The following GADL1 variants were observed in gnomAD, a reference collection of about 807,000 sequenced individuals.
GADL1 encodes the protein acidic amino acid decarboxylase GADL1.
GADL1 carries 71 observed loss-of-function variants against 69.5 expected under a neutral mutation model. The ratio of observed to expected loss-of-function variants is 1.02; its 90% confidence interval spans 0.84 to 1.25. The LOEUF (loss-of-function observed/expected upper bound fraction) is 1.25, where lower values mean the gene tolerates loss of function less well. Ranked by LOEUF, GADL1 falls within the 50% of genes most tolerant of loss-of-function variation. The pLI is 0.00. For synonymous variants in GADL1, 254 were observed against 214.4 expected (o/e 1.18, Z -1.62); for missense variants, 737 against 631.8 (o/e 1.17, Z -1.79).
chr3:30,748,342 CAG>C (rs550061826), intron 14 of GADL1, among the ~76,000 whole-genome samples: 7 of 152,148 alleles, frequency 4.6e-5, no homozygotes, highest in Non-Finnish European at 7.4e-5. Flanking sequence ...AAAAACAAAA[CAG>C]AATGACCAGT....
chr3:30,791,395 C>CT (rs1329355267), intron 12 of GADL1, among the ~76,000 whole-genome samples: 3 of 152,100 alleles, frequency 2.0e-5, no homozygotes, highest in Non-Finnish European at 4.4e-5. Context: ...AGCTAAATAA[C>CT]TTTGTGAGTC....
intron 14 of GADL1, among the ~76,000 whole-genome samples, chr3:30,774,811 G>T (rs1490742053): frequency 1.3e-5 from 2 of 151,634 alleles, no homozygotes; most frequent in African/African-American, 4.8e-5. Flanking sequence ...CTCTGACCGG[G>T]TTGAGAACTG....
intron 14 of GADL1, among the ~76,000 whole-genome samples, chr3:30,753,607 C>G (rs1027008013): frequency 6.6e-6 from 1 of 151,752 alleles, no homozygotes; most frequent in East Asian, 1.9e-4. Context: ...TTAAAGATAA[C>G]TTGTTTTCTT....
At chr3:30,740,734 T>C (rs199627898) in intron 14 of GADL1, among the ~76,000 whole-genome samples, 39 of 151,828 alleles carry the variant, frequency 2.6e-4, no homozygotes, top group African/African-American at 8.7e-4. Flanking sequence ...TGCCTATTTA[T>C]GTTCTTTGTA....
chr3:30,763,480 C>T (rs1045748590), intron 14 of GADL1, among the ~76,000 whole-genome samples: 14 of 124,288 alleles, frequency 1.1e-4, no homozygotes, highest in African/African-American at 4.3e-4. Flanking sequence ...CCAGCCTGGG[C>T]GACAGAGCAA....
At chr3:30,866,231 G>T (rs147224219) in intron 1 of GADL1, among the ~76,000 whole-genome samples, 1 of 152,100 alleles carries the variant, frequency 6.6e-6, no homozygotes, top group Non-Finnish European at 1.5e-5. Flanking sequence ...GCTGAGGCAG[G>T]CAGATCACTT....
At chr3:30,792,260 T>C (rs1247916004) in intron 12 of GADL1, among the ~76,000 whole-genome samples, 1 of 152,196 alleles carries the variant, frequency 6.6e-6, no homozygotes, top group South Asian at 2.1e-4. Context: ...ATCAATTAGA[T>C]TGATTTTTGT....
At chr3:30,784,231 A>G (rs990551268) in intron 13 of GADL1, among the ~76,000 whole-genome samples, 1 of 152,050 alleles carries the variant, frequency 6.6e-6, no homozygotes, top group Admixed American at 6.5e-5. Flanking sequence ...AAACTCCCCA[A>G]CTGTTACAAG....
In GADL1 at chr3:30,800,590, CTA is replaced by C. The variant is rs1237199889; in HGVS notation, c.1250+297_1250+298del. On this transcript the variant is annotated intron_variant, in intron 12 of 14. Coordinates refer to ENST00000282538, the MANE Select transcript of GADL1 (RefSeq NM_207359.3). ...AAGCCCTCCTGATTGATCTTGGACT[CTA>C]TACCTCACCTTGCCAAAAATGAGGG... is the stretch of plus-strand genomic sequence containing the variant. The C allele has an allele frequency of 7.7e-6, 3 of 390,554 alleles. No individual in the cohort carries two copies. In the South Asian group the frequency reaches 7.7e-5, roughly 10 times the overall value. 24.2% of individuals were successfully genotyped at this position (390,554 alleles called of 1,614,324 possible).
At position 30,852,726 on chromosome 3, in the gene GADL1, T is replaced by TA. The variant is rs1334104876; in HGVS notation, c.429-1786dup. On this transcript the variant is annotated intron_variant, in intron 4 of 14. Transcript: ENST00000282538. ...TCAGCCTGGAGGGTGGAGGAAAAGA[T>TA]AAGATAGAACACACTCATGGGTTGG... Among the ~76,000 whole-genome samples the TA allele has an allele frequency of 2.0e-5, 3 of 152,032 alleles. No individual in the cohort carries two copies. In the East Asian group the frequency reaches 5.8e-4, roughly 29 times the overall value.
chr3:30,742,666 A>G (rs1324798598), intron 14 of GADL1, among the ~76,000 whole-genome samples: 1 of 152,158 alleles, frequency 6.6e-6, no homozygotes. Context: ...TGGTCAAGCC[A>G]GACGTTCCTA....
intron 6 of GADL1, among the ~76,000 whole-genome samples, chr3:30,849,553 TG>T (rs1343463269): frequency 6.6e-6 from 1 of 152,044 alleles, no homozygotes; most frequent in Non-Finnish European, 1.5e-5. Flanking sequence ...TGTGTGTGTG[TG>T]TGTGTTTTCA....
intron 1 of GADL1, among the ~76,000 whole-genome samples, chr3:30,874,442 G>A (rs1698548441): frequency 6.6e-6 from 1 of 151,942 alleles, no homozygotes; most frequent in South Asian, 2.1e-4. Flanking sequence ...GATGGGTTTG[G>A]AACCATCTAG....
intron 1 of GADL1, among the ~76,000 whole-genome samples, chr3:30,885,547 G>A (rs778504099): frequency 2.0e-5 from 3 of 151,950 alleles, no homozygotes; most frequent in Non-Finnish European, 4.4e-5. Context: ...ATACAGACAA[G>A]CGAATGAATC....
intron 12 of GADL1, among the ~76,000 whole-genome samples, chr3:30,791,920 T>G (rs1696929383): frequency 6.6e-6 from 1 of 152,182 alleles, no homozygotes; most frequent in African/African-American, 2.4e-5. Flanking sequence ...CCATGTAAGA[T>G]GTGCCTTTGC....
intron 14 of GADL1, among the ~76,000 whole-genome samples, chr3:30,760,580 A>T (rs757288923): frequency 6.6e-6 from 1 of 152,186 alleles, no homozygotes; most frequent in Non-Finnish European, 1.5e-5. Context: ...ATCTATACAC[A>T]AAATCTGTTA....
At chr3:30,764,679 T>C (rs886618089) in intron 14 of GADL1, among the ~76,000 whole-genome samples, 2 of 152,204 alleles carry the variant, frequency 1.3e-5, no homozygotes, top group African/African-American at 4.8e-5. Flanking sequence ...TCTCTGATCA[T>C]CTTACACTTA....
At chr3:30,745,872 C>T (rs1695694984) in intron 14 of GADL1, among the ~76,000 whole-genome samples, 1 of 152,132 alleles carries the variant, frequency 6.6e-6, no homozygotes, top group Admixed American at 6.5e-5. Context: ...TGGAGTTCAT[C>T]CTGTTCCAAA....
chr3:30,800,325 C>CGGTTTT (rs1697134093), intron 12 of GADL1: 1 of 152,628 alleles, frequency 6.6e-6, no homozygotes, highest in African/African-American at 2.4e-5. Context: ...CTGATAAAAC[C>CGGTTTT]ATCAGATCTT....
Sources: allele counts gnomAD v4.1 joint callset (sites outside exome capture counted in the v4.1 genomes callset), GRCh38; gene constraint gnomAD v4.1.1; transcripts MANE v1.5; gene names NCBI Gene and HGNC (gene_info 2026-07-23, HGNC 2026-07-21).